NIBAN1: variants seen among roughly 807,000 people sequenced by gnomAD.
The protein encoded by NIBAN1 is protein Niban 1.
Under a neutral mutation model 75.1 loss-of-function variants are expected in NIBAN1, and 81 were observed. The ratio of observed to expected loss-of-function variants is 1.08; its 90% CI spans 0.90 to 1.30. The LOEUF (loss-of-function observed/expected upper bound fraction) is 1.30, where lower values mean the gene tolerates loss of function less well. Ranked by LOEUF, NIBAN1 falls within the 50% of genes most tolerant of loss-of-function variation. NIBAN1 has a pLI of 0.00. For synonymous variants in NIBAN1, 436 were observed against 424.8 expected, an observed-to-expected ratio of 1.03 and a Z score of -0.32; for missense variants, 1,133 against 1,128.1, an observed-to-expected ratio of 1.00 and a Z score of -0.06.
At chr1:184,828,793 T>C (rs1296982661) in intron 6 of NIBAN1, among the ~76,000 whole-genome samples, 1 of 144,406 alleles carries the variant, frequency 6.9e-6, no homozygotes, top group Non-Finnish European at 1.5e-5. Flanking sequence ...ACTTAAATTC[T>C]GAGAGAAGCA....
intron 6 of NIBAN1, among the ~76,000 whole-genome samples, chr1:184,829,002 G>T (rs138717699): frequency 1.3e-5 from 2 of 152,038 alleles, no homozygotes; most frequent in Non-Finnish European, 2.9e-5. Flanking sequence ...GTCTTGCTAT[G>T]TTGCCCAGGC....
chr1:184,930,970 T>C (rs1197557040), intron 1 of NIBAN1, among the ~76,000 whole-genome samples: 1 of 151,784 alleles, frequency 6.6e-6, no homozygotes, highest in African/African-American at 2.4e-5. Flanking sequence ...GCGTGTTTCA[T>C]TGTTTCTAAG....
intron 1 of NIBAN1, among the ~76,000 whole-genome samples, chr1:184,917,482 T>C (rs1251010814): frequency 6.6e-6 from 1 of 151,314 alleles, no homozygotes; most frequent in African/African-American, 2.4e-5. Flanking sequence ...GTGCTGGGAT[T>C]ACAGGCGTGA....
intron 1 of NIBAN1, among the ~76,000 whole-genome samples, chr1:184,899,920 G>A (rs933664115): frequency 8.1e-5 from 12 of 148,944 alleles, no homozygotes; most frequent in South Asian, 4.3e-4. Flanking sequence ...GGGTTCAAGC[G>A]ATTCTCCCGC....
intron 5 of NIBAN1, chr1:184,868,661 T>C (rs1656019844): frequency 6.6e-6 from 1 of 152,218 alleles, no homozygotes; most frequent in Non-Finnish European, 1.5e-5. Context: ...TATCAAGAAA[T>C]TATCCATGTC....
At chr1:184,799,692 T>C (rs1653977681) in intron 12 of NIBAN1, among the ~76,000 whole-genome samples, 1 of 111,050 alleles carries the variant, frequency 9.0e-6, no homozygotes, top group Non-Finnish European at 1.8e-5. Flanking sequence ...CTCCACATCC[T>C]CTCCAGCACC....
intron 1 of NIBAN1, among the ~76,000 whole-genome samples, chr1:184,904,148 G>A (rs1042155205): frequency 9.9e-5 from 15 of 151,320 alleles, no homozygotes; most frequent in African/African-American, 3.2e-4. Context: ...CACCCGCCTC[G>A]GCCTCCCAAA....
intron 9 of NIBAN1, among the ~76,000 whole-genome samples, chr1:184,813,628 A>T (rs1219583883): frequency 6.6e-6 from 1 of 152,232 alleles, no homozygotes; most frequent in Non-Finnish European, 1.5e-5. Flanking sequence ...TGGTTGTTTA[A>T]AAAGAGGGAT....
rs1254710060 is a variant in NIBAN1, at chr1:184,894,200, A to G, written c.193T>C (p.Leu65=). ...TSQFLKTKPP[L]APGTILYEAE... is the part of the protein sequence containing the mutation. ...TCATACAAAATAGTTCCAGGCGCCA[A>G]TGGTGGCTTAAAGAAGATGAATACA... The change falls in exon 3 of 14, where the codon TTG becomes CTG. Residue 65 remains leucine (L), a synonymous_variant. Transcript: ENST00000367511. The G allele has an allele frequency of 6.2e-7, 1 of 1,600,784 alleles. No homozygotes were observed. Among genetic ancestry groups the G allele is most frequent in the Non-Finnish European group, 8.5e-7 (1 of 1,175,756 alleles).
At chr1:184,906,081 A>T (rs1201574915) in intron 1 of NIBAN1, among the ~76,000 whole-genome samples, 1 of 151,598 alleles carries the variant, frequency 6.6e-6, no homozygotes, top group African/African-American at 2.4e-5. Flanking sequence ...CTACAAAAAA[A>T]AATTAAAAAA....
intron 1 of NIBAN1, among the ~76,000 whole-genome samples, chr1:184,920,135 T>TA (rs1380995339): frequency 2.6e-5 from 4 of 152,094 alleles, no homozygotes; most frequent in Non-Finnish European, 5.9e-5. Context: ...ACAAGACGTG[T>TA]AAAAATGGAA....
chr1:184,797,543 C>A (rs553192774), intron 13 of NIBAN1, among the ~76,000 whole-genome samples: 1 of 151,752 alleles, frequency 6.6e-6, no homozygotes, highest in Non-Finnish European at 1.5e-5. Flanking sequence ...CCGAGACTTG[C>A]GTGGCACTGC....
At chr1:184,803,322 T>C (rs1000811618) in intron 12 of NIBAN1, among the ~76,000 whole-genome samples, 1 of 152,254 alleles carries the variant, frequency 6.6e-6, no homozygotes, top group African/African-American at 2.4e-5. Context: ...TCAGCATATC[T>C]GGCTAGCATC....
At chr1:184,859,556 T>C (rs1007278386) in intron 5 of NIBAN1, among the ~76,000 whole-genome samples, 43 of 152,280 alleles carry the variant, frequency 2.8e-4, no homozygotes, top group African/African-American at 9.6e-4. Context: ...CCAGTAACCA[T>C]GTAGCCAATG....
chr1:184,928,167 G>T (rs1657729771), intron 1 of NIBAN1, among the ~76,000 whole-genome samples: 1 of 152,130 alleles, frequency 6.6e-6, no homozygotes, highest in African/African-American at 2.4e-5. Context: ...GCTGGAATGG[G>T]GGCCTCAGGA....
chr1:184,796,042 G>C lies in NIBAN1; in HGVS notation c.1722C>G (p.Ala574=). 1 of 1,592,012 alleles carries C rather than the reference G, an allele frequency of 6.3e-7. No individual in the cohort carries two copies. The highest frequency in any genetic ancestry group is 8.5e-7 in the Non-Finnish European group (1 of 1,171,338). ...KKHNLFEDNM[A]LPSESVSSLT... ...AGCTGGACACACTTTCACTGGGCAA[G>C]GCCATGTTATCTTCAAATAAGTTGT... is the stretch of plus-strand genomic sequence containing the variant. Residue 574 remains alanine, a synonymous_variant, in exon 14 of 14, where the codon GCC becomes GCG. Transcript: ENST00000367511.
At chr1:184,945,962 T>C (rs1347719578) in intron 1 of NIBAN1, among the ~76,000 whole-genome samples, 2 of 151,156 alleles carry the variant, frequency 1.3e-5, no homozygotes, top group African/African-American at 4.9e-5. Context: ...GGTTCCTACA[T>C]AGTTCTATTA....
intron 1 of NIBAN1, among the ~76,000 whole-genome samples, chr1:184,955,629 G>A (rs1344089864): frequency 6.6e-6 from 1 of 152,172 alleles, no homozygotes; most frequent in Non-Finnish European, 1.5e-5. Context: ...GAGCCACAGA[G>A]CCCAGACTCA....
chr1:184,972,495 G>A (rs1187734382), intron 1 of NIBAN1, among the ~76,000 whole-genome samples: 8 of 152,176 alleles, frequency 5.3e-5, no homozygotes, highest in African/African-American at 9.7e-5. Context: ...CACATGAAGT[G>A]ATGAGTCTTT....
Sources: allele counts gnomAD v4.1 joint callset (sites outside exome capture counted in the v4.1 genomes callset), GRCh38; gene constraint gnomAD v4.1.1; transcripts MANE v1.5; gene names NCBI Gene and HGNC (gene_info 2026-07-23, HGNC 2026-07-21).